ADCY2: variants seen among roughly 807,000 people sequenced by gnomAD.
ADCY2 encodes the protein adenylate cyclase 2.
In ADCY2, 31 loss-of-function variants were observed where a neutral mutation model predicts 125.2. The ratio of observed to expected loss-of-function variants is 0.25; its 90% CI spans 0.19 to 0.33. The LOEUF is 0.33. Among genes scored for constraint, ADCY2 ranks in the 10% least tolerant of loss-of-function variants. ADCY2 has a pLI of 1.00. For synonymous variants in ADCY2, 512 were observed against 548.4 expected, an observed-to-expected ratio of 0.93 and a Z score of 0.93; for missense variants, 904 against 1,418.2, an observed-to-expected ratio of 0.64 and a Z score of 5.82.
At chr5:7,580,475 C>G (rs1010859775) in intron 3 of ADCY2, among the ~76,000 whole-genome samples, 4 of 151,994 alleles carry the variant, frequency 2.6e-5, no homozygotes, top group African/African-American at 9.7e-5. Flanking sequence ...AGATTAACAA[C>G]ATATTGGAGA....
At chr5:7,663,235 A>G (rs373317540) in intron 4 of ADCY2, among the ~76,000 whole-genome samples, 2 of 152,240 alleles carry the variant, frequency 1.3e-5, no homozygotes, top group East Asian at 1.9e-4. Flanking sequence ...CCACACCAAA[A>G]AAAAGGAAGA....
At chr5:7,740,190 A>C (rs1742368878) in intron 14 of ADCY2, among the ~76,000 whole-genome samples, 1 of 152,002 alleles carries the variant, frequency 6.6e-6, no homozygotes, top group Admixed American at 6.6e-5. Flanking sequence ...CAGCTTATAG[A>C]ATAAAGGAAA....
In ADCY2 at chr5:7,789,081, T is replaced by C. The variant is rs369080766; in HGVS notation, c.2470-561T>C. ...GGCACTATCTTAATTAATATCAAAA[T>C]GAACTTTTCTCTAAATGTAACGAAT... On this transcript the variant is annotated intron_variant, in intron 19 of 24. Coordinates refer to ENST00000338316, the MANE Select transcript of ADCY2 (RefSeq NM_020546.3). Among the ~76,000 whole-genome samples, 6 of 152,210 alleles carry C rather than the reference T, an allele frequency of 3.9e-5. No homozygotes were observed. The East Asian group carries it at 9.6e-4, about 24-fold the overall frequency.
chr5:7,641,450 CTG>C (rs1348988228), intron 4 of ADCY2, among the ~76,000 whole-genome samples: 1 of 152,162 alleles, frequency 6.6e-6, no homozygotes, highest in African/African-American at 2.4e-5. Context: ...AGTTATCGTT[CTG>C]TGTTTTATTA....
intron 20 of ADCY2, chr5:7,795,981 G>A (rs979430777): frequency 6.6e-6 from 1 of 152,110 alleles, no homozygotes; most frequent in Non-Finnish European, 1.5e-5. Flanking sequence ...GTCAAGGGAG[G>A]GTGGCAGCAA....
chr5:7,466,462 G>A (rs764609178), intron 2 of ADCY2, among the ~76,000 whole-genome samples: 51 of 152,160 alleles, frequency 3.4e-4, no homozygotes, highest in African/African-American at 1.2e-3. Flanking sequence ...AGGTGAAACC[G>A]AGGCACAAGG....
chr5:7,697,068 TC>T (rs558335355), intron 6 of ADCY2, among the ~76,000 whole-genome samples: 38 of 151,958 alleles, frequency 2.5e-4, no homozygotes, highest in Admixed American at 6.6e-4. Flanking sequence ...GATGACATTC[TC>T]TCCTCTACGT....
chr5:7,409,804 T>C (rs1355598979), intron 1 of ADCY2, among the ~76,000 whole-genome samples: 1 of 152,222 alleles, frequency 6.6e-6, no homozygotes, highest in Non-Finnish European at 1.5e-5. Flanking sequence ...TTAGTTTACT[T>C]TTTTTCTCTG....
At chr5:7,594,729 C>T (rs73739860) in intron 3 of ADCY2, among the ~76,000 whole-genome samples, 7,756 of 152,182 alleles carry the variant, frequency 0.051, 249 homozygotes, top group Middle Eastern at 0.11. Flanking sequence ...ATAAATAAAA[C>T]GTCACCAGGT....
intron 18 of ADCY2, among the ~76,000 whole-genome samples, chr5:7,774,404 T>C (rs1743651887): frequency 1.3e-5 from 2 of 152,252 alleles, no homozygotes; most frequent in South Asian, 4.1e-4. Flanking sequence ...CTCTACTATA[T>C]CCAGAAAGCC....
chr5:7,506,798 T>C (rs1743834443), intron 2 of ADCY2, among the ~76,000 whole-genome samples: 1 of 130,442 alleles, frequency 7.7e-6, no homozygotes, highest in East Asian at 2.2e-4. Context: ...TCTTTTTTTT[T>C]TTTTTTTTTT....
chr5:7,773,390 AC>A, intron 18 of ADCY2, among the ~76,000 whole-genome samples: 1 of 152,294 alleles, frequency 6.6e-6, no homozygotes, highest in East Asian at 1.9e-4. Flanking sequence ...CGACCTCAGC[AC>A]TATTGACATT....
At chr5:7,753,791 T>G (rs889955587) in intron 15 of ADCY2, among the ~76,000 whole-genome samples, 3 of 152,186 alleles carry the variant, frequency 2.0e-5, no homozygotes, top group Non-Finnish European at 1.5e-5. Context: ...CTCCACTTCC[T>G]CTTTCATCCC....
rs112369757 is a variant in ADCY2 at position 7,689,400 on chromosome 5, A to C, written c.721-1291A>C. ...ACTTTCTGAATAAATGAATAAGCGA[A>C]TGAATGAATGAACAAATGATCAATG... is the stretch of plus-strand genomic sequence containing the variant. On this transcript the variant is annotated intron_variant, in intron 4 of 24. Coordinates refer to ENST00000338316, the MANE Select transcript of ADCY2 (RefSeq NM_020546.3). 1.9e-3 allele frequency among the ~76,000 whole-genome samples: 291 copies of C among 152,368 alleles called. 1 individual carries two copies. Among genetic ancestry groups the C allele is most frequent in the African/African-American group, 6.7e-3 (277 of 41,594 alleles).
intron 14 of ADCY2, among the ~76,000 whole-genome samples, chr5:7,738,515 A>T (rs1742311775): frequency 6.6e-6 from 1 of 152,074 alleles, no homozygotes; most frequent in Non-Finnish European, 1.5e-5. Flanking sequence ...TATACAAATA[A>T]AAGCAATGGG....
At chr5:7,670,482 A>G (rs1021051358) in intron 4 of ADCY2, among the ~76,000 whole-genome samples, 2 of 152,254 alleles carry the variant, frequency 1.3e-5, no homozygotes, top group Non-Finnish European at 2.9e-5. Context: ...CACATATACT[A>G]CTATGCTATT....
chr5:7,736,503 C>T (rs1017112052), intron 14 of ADCY2, among the ~76,000 whole-genome samples: 1 of 152,104 alleles, frequency 6.6e-6, no homozygotes, highest in African/African-American at 2.4e-5. Flanking sequence ...TTTATCAGCT[C>T]TTAATAGATT....
intron 1 of ADCY2, among the ~76,000 whole-genome samples, chr5:7,410,953 A>G (rs923617): frequency 0.32 from 48,304 of 151,740 alleles, 8,489 homozygotes; most frequent in African/African-American, 0.45. Flanking sequence ...GAGAGAGGAG[A>G]AGCTGTCATC....
intron 4 of ADCY2, among the ~76,000 whole-genome samples, chr5:7,646,811 T>C (rs1738913441): frequency 6.6e-6 from 1 of 152,188 alleles, no homozygotes; most frequent in Admixed American, 6.5e-5. Flanking sequence ...GATCCCATAT[T>C]GTTATATTAT....
Sources: allele counts gnomAD v4.1 joint callset (sites outside exome capture counted in the v4.1 genomes callset), GRCh38; gene constraint gnomAD v4.1.1; transcripts MANE v1.5; gene names NCBI Gene and HGNC (gene_info 2026-07-23, HGNC 2026-07-21).